The following OR5A1 variants were observed in gnomAD, a reference collection of about 807,000 sequenced individuals.
The protein encoded by OR5A1 is olfactory receptor family 5 subfamily A member 1.
In OR5A1, 6 loss-of-function variants were observed where a neutral mutation model predicts 6.7. The observed-to-expected ratio is 0.89, with a 90% confidence interval of 0.49 to 1.76. The LOEUF is 1.76. OR5A1 is among the 40% of genes most tolerant of loss of function. OR5A1 has a pLI of 0.01. For missense variants in OR5A1, 378 were observed against 381.7 expected, an observed-to-expected ratio of 0.99 and a Z score of 0.08; for synonymous variants, 170 against 155.0, an observed-to-expected ratio of 1.10 and a Z score of -0.72.
rs1261025776 is a variant in OR5A1 at position 59,450,128 on chromosome 11, A to C, written c.*6012A>C. ...AAGAGGCACAGTTTAAAATACTGGA[A>C]CCTGACTTCGAAGGCTGTGCTCTTT... On this transcript the variant is annotated 3_prime_UTR_variant, in exon 2 of 2. Transcript: ENST00000641045. The C allele has an allele frequency of 6.6e-6, 1 of 152,180 alleles. No homozygotes were observed. The highest frequency in any genetic ancestry group is 1.5e-5 in the Non-Finnish European group (1 of 68,044). The allele number at this position is 152,180 out of a possible 1,614,324, so 9.4% of individuals were successfully genotyped here. A position where few individuals can be genotyped will look rare whatever the true frequency, so the allele number is the denominator to read the frequency against.
chr11:59,440,003 C>A (rs761923172), intron 1 of OR5A1, among the ~76,000 whole-genome samples: 20 of 152,172 alleles, frequency 1.3e-4, no homozygotes, highest in Non-Finnish European at 2.8e-4. Flanking sequence ...TCTCAAGACC[C>A]ACCATGATCC....
chr11:59,443,180 C>T lies in OR5A1; in HGVS notation c.12C>T (p.Thr4=), dbSNP rs779273068. 5.0e-6 allele frequency: 8 copies of T among 1,613,410 alleles called. No homozygotes were observed. The South Asian group carries it at 7.7e-5, about 16-fold the overall frequency. MSI[T]KAWNSSSVTM... ...GGTCCACGGGAAGCATGTCCATAAC[C>T]AAAGCCTGGAACAGCTCATCAGTGA... Residue 4 remains threonine, a synonymous_variant, in exon 2 of 2, where the codon ACC becomes ACT. Transcript: ENST00000641045.
chr11:59,441,153 G>A (rs1435040430), intron 1 of OR5A1, among the ~76,000 whole-genome samples: 1 of 152,080 alleles, frequency 6.6e-6, no homozygotes, highest in Non-Finnish European at 1.5e-5. Flanking sequence ...GAAAAATTTG[G>A]CGCAAATAGA....
Position 59,448,784 on chromosome 11 carries a change from T to G in OR5A1, c.*4668T>G, listed in dbSNP as rs1397746481. The G allele has an allele frequency of 6.6e-6, 1 of 152,158 alleles. No homozygotes were observed. Among genetic ancestry groups the G allele is most frequent in the African/African-American group, 2.4e-5 (1 of 41,448 alleles). The allele number at this position is 152,158 out of a possible 1,614,324, so 9.4% of individuals were successfully genotyped here. ...ATATACAAAACGCAATAAATATGCA[T>G]TTTTGGTCAATTATTATAATTGATC... On this transcript the variant is annotated 3_prime_UTR_variant, in exon 2 of 2. Transcript: ENST00000641045.
At chr11:59,441,828 T>C (rs925426067) in intron 1 of OR5A1, among the ~76,000 whole-genome samples, 2 of 152,126 alleles carry the variant, frequency 1.3e-5, no homozygotes, top group Non-Finnish European at 2.9e-5. Context: ...CAAATACTTA[T>C]AGAACAGTTA....
At position 59,443,654 on chromosome 11, in the gene OR5A1, G is replaced by T. The variant is rs1281682168; in HGVS notation, c.486G>T (p.Gln162His). ...YVGGFLSSLI[Q>H]ASSIFRLHFC... ...GTGGCTTCCTGAGCTCCCTGATCCA[G>T]GCCAGCTCCATATTTAGGCTTCACT... Residue 162 changes from glutamine (Q) to histidine (H), a missense_variant, in exon 2 of 2, where the codon CAG becomes CAT. Physicochemically the swap from Gln to His is conservative, Grantham distance 24. Coordinates refer to ENST00000641045, the MANE Select transcript of OR5A1 (RefSeq NM_001004728.2). 6.2e-7 allele frequency: 1 copy of T among 1,614,050 alleles called. No individual in the cohort carries two copies. Among genetic ancestry groups the T allele is most frequent in the Admixed American group, 1.7e-5 (1 of 60,002 alleles).
rs1247710176 is a variant in OR5A1, at chr11:59,444,080, G to A, written c.912G>A (p.Leu304=). ...SLRNKEIKDA[L]WKVLERKKVF... ...GGAACAAAGAGATCAAGGATGCCCT[G>A]TGGAAGGTGTTGGAAAGGAAGAAAG... is the stretch of plus-strand genomic sequence containing the variant. Residue 304 remains leucine, a synonymous_variant, in exon 2 of 2, where the codon CTG becomes CTA. Coordinates refer to ENST00000641045, the MANE Select transcript of OR5A1 (RefSeq NM_001004728.2). 1.2e-6 allele frequency: 2 copies of A among 1,613,734 alleles called. No homozygotes were observed. The highest frequency in any genetic ancestry group is 2.2e-5 in the South Asian group (2 of 91,076).
chr11:59,450,764 C>A lies in OR5A1; in HGVS notation c.*6648C>A, dbSNP rs1197447857. On this transcript the variant is annotated 3_prime_UTR_variant, in exon 2 of 2. Transcript: ENST00000641045. Reference sequence around the variant, plus strand: ...TAGATATTTTTCCCAAAAATAACATCATGTGACATATTCAGTGTTTTAATC... The same window carrying A: ...TAGATATTTTTCCCAAAAATAACATAATGTGACATATTCAGTGTTTTAATC... 1 of 152,176 alleles carries A rather than the reference C, an allele frequency of 6.6e-6. No individual in the cohort carries two copies. The highest frequency in any genetic ancestry group is 2.4e-5 in the African/African-American group (1 of 41,440). 9.4% of individuals were successfully genotyped at this position (152,176 alleles called of 1,614,324 possible).
At position 59,449,493 on chromosome 11, in the gene OR5A1, G is replaced by A. The variant is rs1858592003; in HGVS notation, c.*5377G>A. 1 of 152,078 alleles carries A rather than the reference G, an allele frequency of 6.6e-6. No homozygotes were observed. The highest frequency in any genetic ancestry group is 1.5e-5 in the Non-Finnish European group (1 of 68,010). The allele number at this position is 152,078 out of a possible 1,614,324, so 9.4% of individuals were successfully genotyped here. A position where few individuals can be genotyped will look rare whatever the true frequency, so the allele number is the denominator to read the frequency against. On this transcript the variant is annotated 3_prime_UTR_variant, in exon 2 of 2. Coordinates refer to ENST00000641045, the MANE Select transcript of OR5A1 (RefSeq NM_001004728.2). The stretch of plus-strand genomic sequence containing the variant: ...GCTTCCTAAGACACATTCAAATAAG[G>A]TAATTTTTCAAAAATTAAAACTCAT...
chr11:59,439,449 G>C (rs1590611795), intron 1 of OR5A1, among the ~76,000 whole-genome samples: 1 of 152,118 alleles, frequency 6.6e-6, no homozygotes, highest in Non-Finnish European at 1.5e-5. Context: ...TTATATCATA[G>C]AATTGTAGGG....
rs1858607436 is a variant in OR5A1, at chr11:59,450,796, TAAAAA to T, written c.*6681_*6685del. 6.6e-6 allele frequency: 1 copy of T among 152,240 alleles called. No individual in the cohort carries two copies. Among genetic ancestry groups the T allele is most frequent in the Non-Finnish European group, 1.5e-5 (1 of 68,034 alleles). The allele number at this position is 152,240 out of a possible 1,614,324, so 9.4% of individuals were successfully genotyped here. A position where few individuals can be genotyped will look rare whatever the true frequency, so the allele number is the denominator to read the frequency against. ...CATATTCAGTGTTTTAATCTGTCACTAAAAAGAAATCTTTCCATGTTTAAAAGTAC... is the reference window on the plus strand; with the variant it reads ...CATATTCAGTGTTTTAATCTGTCACTGAAATCTTTCCATGTTTAAAAGTAC... On this transcript the variant is annotated 3_prime_UTR_variant, in exon 2 of 2. Transcript: ENST00000641045.
chr11:59,438,078 C>T (rs1332037849), intron 1 of OR5A1, among the ~76,000 whole-genome samples: 1 of 152,200 alleles, frequency 6.6e-6, no homozygotes, highest in Non-Finnish European at 1.5e-5. Flanking sequence ...GATGTCTACT[C>T]CCCCTTCACC....
rs140874001 is a variant in OR5A1 at position 59,446,814 on chromosome 11, T to C, written c.*2698T>C. 1 of 152,246 alleles carries C rather than the reference T, an allele frequency of 6.6e-6. No individual in the cohort carries two copies. Among genetic ancestry groups the C allele is most frequent in the Non-Finnish European group, 1.5e-5 (1 of 68,046 alleles). The allele number at this position is 152,246 out of a possible 1,614,324, so 9.4% of individuals were successfully genotyped here. A position where few individuals can be genotyped will look rare whatever the true frequency, so the allele number is the denominator to read the frequency against. ...TGTAACGCATTCACTTTTCCATTGATGTAGGTCAATTGGATAAGTAGATAT... is the reference window on the plus strand; with the variant it reads ...TGTAACGCATTCACTTTTCCATTGACGTAGGTCAATTGGATAAGTAGATAT... On this transcript the variant is annotated 3_prime_UTR_variant, in exon 2 of 2. Transcript: ENST00000641045.
rs755957715 is a variant in OR5A1 at position 59,443,793 on chromosome 11, G to A, written c.625G>A (p.Val209Ile). Reference protein sequence around the residue: ...QVVNFLVVVTVGGTSFLQLLI... With the variant: ...QVVNFLVVVTIGGTSFLQLLI... Reference sequence around the variant, plus strand: ...GGTGAATTTCCTCGTGGTGGTCACTGTCGGAGGAACATCGTTCCTCCAACT... The same window carrying A: ...GGTGAATTTCCTCGTGGTGGTCACTATCGGAGGAACATCGTTCCTCCAACT... Residue 209 changes from valine (V) to isoleucine (I), a missense_variant, in exon 2 of 2, where the codon GTC (valine) becomes ATC (isoleucine). Physicochemically the swap from Val to Ile is conservative, Grantham distance 29 (BLOSUM62 3). Coordinates refer to ENST00000641045, the MANE Select transcript of OR5A1 (RefSeq NM_001004728.2). 9.3e-6 allele frequency: 15 copies of A among 1,613,882 alleles called. No individual in the cohort carries two copies. The highest frequency in any genetic ancestry group is 2.2e-5 in the East Asian group (1 of 44,868).
rs1174871182 is a variant in OR5A1, at chr11:59,445,779, T to G, written c.*1663T>G. The G allele has an allele frequency of 5.9e-5, 9 of 152,246 alleles. No individual in the cohort carries two copies. The highest frequency in any genetic ancestry group is 2.2e-4 in the African/African-American group (9 of 41,468). The allele number at this position is 152,246 out of a possible 1,614,324, so 9.4% of individuals were successfully genotyped here. ...ATAATTAGTGATGTTGAGCTTTTTT[T>G]CATATGTTTGTTGGCCATACAAATG... On this transcript the variant is annotated 3_prime_UTR_variant, in exon 2 of 2. Coordinates refer to ENST00000641045, the MANE Select transcript of OR5A1 (RefSeq NM_001004728.2).
intron 1 of OR5A1, among the ~76,000 whole-genome samples, chr11:59,437,790 T>C (rs17153714): frequency 0.03 from 4,559 of 152,346 alleles, 115 homozygotes; most frequent in Admixed American, 0.067. Context: ...TTGAATAATT[T>C]TCCCAGTGCA....
rs905823403 is a variant in OR5A1 at position 59,447,902 on chromosome 11, C to T, written c.*3786C>T. The T allele has an allele frequency of 2.0e-5, 3 of 152,134 alleles. No individual in the cohort carries two copies. Among genetic ancestry groups the T allele is most frequent in the Non-Finnish European group, 4.4e-5 (3 of 68,040 alleles). 9.4% of individuals were successfully genotyped at this position (152,134 alleles called of 1,614,324 possible). A position where few individuals can be genotyped will look rare whatever the true frequency, so the allele number is the denominator to read the frequency against. On this transcript the variant is annotated 3_prime_UTR_variant, in exon 2 of 2. Transcript: ENST00000641045. ...GATCCCAAAGAAAGAGAAGGAAGAT[C>T]AGAAGGCCAAGTTCTCCTGCCTAAT...
At position 59,443,825 on chromosome 11, in the gene OR5A1, C is replaced by G. The variant is rs983493228; in HGVS notation, c.657C>G (p.Ile219Met). The stretch of plus-strand genomic sequence containing the variant: ...GAACATCGTTCCTCCAACTCCTTAT[C>G]TCCTATGGTTACATAGTGTCTGCGG... ...VGGTSFLQLL[I>M]SYGYIVSAVL... The change falls in exon 2 of 2, where the codon ATC becomes ATG. Residue 219 changes from isoleucine to methionine, a missense_variant. Physicochemically the swap from Ile to Met is conservative, Grantham distance 10. Coordinates refer to ENST00000641045, the MANE Select transcript of OR5A1 (RefSeq NM_001004728.2). 1.2e-6 allele frequency: 2 copies of G among 1,614,034 alleles called. No homozygotes were observed. The highest frequency in any genetic ancestry group is 1.7e-6 in the Non-Finnish European group (2 of 1,180,028).
rs1277796968 is a variant in OR5A1, at chr11:59,444,944, C to G, written c.*828C>G. On this transcript the variant is annotated 3_prime_UTR_variant, in exon 2 of 2. Coordinates refer to ENST00000641045, the MANE Select transcript of OR5A1 (RefSeq NM_001004728.2). ...CCCCTAAACTGCCTATCAGTCAGTA[C>G]CTCCTTGATTTTTCTTTAATATTTC... The G allele has an allele frequency of 6.6e-6, 1 of 151,698 alleles. No homozygotes were observed. The highest frequency in any genetic ancestry group is 2.4e-5 in the African/African-American group (1 of 41,308). The allele number at this position is 151,698 out of a possible 1,614,324, so 9.4% of individuals were successfully genotyped here.
Sources: gnomAD v4.1 joint callset for allele counts (sites outside exome capture counted in the v4.1 genomes callset) on GRCh38, gnomAD v4.1.1 for gene constraint, MANE v1.5 for transcripts, NCBI Gene and HGNC (gene_info 2026-07-23, HGNC 2026-07-21) for gene names.